Variants in TTL observed in about 807,000 individuals in gnomAD.
TTL encodes the protein tubulin--tyrosine ligase.
TTL carries 10 observed loss-of-function variants against 41.1 expected under a neutral mutation model. The observed-to-expected ratio is 0.24, with a 90% CI of 0.15 to 0.41. The LOEUF (loss-of-function observed/expected upper bound fraction) is 0.41, where lower values mean the gene tolerates loss of function less well. Among genes scored for constraint, TTL ranks in the 10% least tolerant of loss-of-function variants. The pLI, the probability that TTL is intolerant of heterozygous loss-of-function variation, is 1.00. For missense variants in TTL, 367 were observed against 460.4 expected, an observed-to-expected ratio of 0.80 and a Z score of 1.86; for synonymous variants, 175 against 175.5, an observed-to-expected ratio of 1.00 and a Z score of 0.02.
chr2:112,500,029 G>A (rs1309223267), intron 3 of TTL, among the ~76,000 whole-genome samples: 1 of 152,236 alleles, frequency 6.6e-6, no homozygotes, highest in Non-Finnish European at 1.5e-5. Context: ...TTCAGCCATA[G>A]AAAGGAGTGA....
In TTL at chr2:112,531,204, A is replaced by T; in HGVS notation, c.*2409A>T. ...GTTCAGAACTGTTCCTTTCCCTTCC[A>T]TGATGTCCTTGACACAGAAGGTTAT... is the stretch of plus-strand genomic sequence containing the variant. On this transcript the variant is annotated 3_prime_UTR_variant, in exon 7 of 7. Coordinates refer to ENST00000233336, the MANE Select transcript of TTL (RefSeq NM_153712.5). 4.5e-6 allele frequency: 1 copy of T among 221,798 alleles called. No homozygotes were observed. 13.7% of individuals were successfully genotyped at this position (221,798 alleles called of 1,614,324 possible). A position where few individuals can be genotyped will look rare whatever the true frequency, so the allele number is the denominator to read the frequency against.
At chr2:112,499,315 A>G (rs1320342206) in intron 3 of TTL, among the ~76,000 whole-genome samples, 4 of 152,220 alleles carry the variant, frequency 2.6e-5, no homozygotes, top group Non-Finnish European at 5.9e-5. Flanking sequence ...AACAGAAGAA[A>G]CATAAATCAG....
rs527250359 is a variant in TTL, at chr2:112,486,345, C to G, written c.236+350C>G. Among the ~76,000 whole-genome samples, 42 of 152,312 alleles carry G rather than the reference C, an allele frequency of 2.8e-4. No homozygotes were observed. The South Asian group carries it at 8.3e-3, about 30-fold the overall frequency. On this transcript the variant is annotated intron_variant, in intron 2 of 6. Coordinates refer to ENST00000233336, the MANE Select transcript of TTL (RefSeq NM_153712.5). ...AGCTGAAGTCTTGCCTCTCCTGACT[C>G]CAAGGAGCACCAGAGTGAATGGCAC...
At chr2:112,517,579 C>G (rs748643510) in intron 5 of TTL, among the ~76,000 whole-genome samples, 9 of 151,502 alleles carry the variant, frequency 5.9e-5, no homozygotes, top group Non-Finnish European at 1.3e-4. Context: ...TTTTTTCTCT[C>G]TCTCTTTTTT....
In TTL at chr2:112,512,420, G is replaced by A. The variant is rs576083850; in HGVS notation, c.876-7862G>A. On this transcript the variant is annotated intron_variant, in intron 5 of 6. Coordinates refer to ENST00000233336, the MANE Select transcript of TTL (RefSeq NM_153712.5). The stretch of plus-strand genomic sequence containing the variant: ...TGGGACTACAGGCGCCCGCCACCAT[G>A]CCCGGCTAATTTTTTGCATTTTTAG... Among the ~76,000 whole-genome samples the A allele has an allele frequency of 2.6e-3, 401 of 152,186 alleles. 2 individuals are homozygous for A. Among genetic ancestry groups the A allele is most frequent in the African/African-American group, 9.2e-3 (384 of 41,542 alleles).
chr2:112,521,781 T>C (rs148057319), intron 6 of TTL, among the ~76,000 whole-genome samples: 1 of 152,282 alleles, frequency 6.6e-6, no homozygotes, highest in Non-Finnish European at 1.5e-5. Flanking sequence ...ACCAGGCAGA[T>C]GTCAATTACA....
At chr2:112,507,639 CCCTG>C (rs1681825939) in intron 5 of TTL, among the ~76,000 whole-genome samples, 1 of 139,126 alleles carries the variant, frequency 7.2e-6, no homozygotes, top group Admixed American at 7.2e-5. Context: ...GGATTGCAGC[CCCTG>C]CCTTTTTTTG....
Position 112,534,181 on chromosome 2 carries a change from G to A in TTL, c.*5386G>A, listed in dbSNP as rs1223716349. 1.3e-5 allele frequency: 2 copies of A among 152,268 alleles called. No homozygotes were observed. Among genetic ancestry groups the A allele is most frequent in the African/African-American group, 2.4e-5 (1 of 41,428 alleles). 9.4% of individuals were successfully genotyped at this position (152,268 alleles called of 1,614,324 possible). The stretch of plus-strand genomic sequence containing the variant: ...TAAAAATACAAAAAATTAGCCGGGC[G>A]CGGTGGCAGGTGCCTGTAGTCCCAG... On this transcript the variant is annotated 3_prime_UTR_variant, in exon 7 of 7. Coordinates refer to ENST00000233336, the MANE Select transcript of TTL (RefSeq NM_153712.5).
intron 6 of TTL, chr2:112,521,149 A>G (rs1313542165): frequency 7.1e-6 from 7 of 984,264 alleles, no homozygotes; most frequent in Non-Finnish European, 8.4e-6. Context: ...CGCTGCACCA[A>G]AGGTTGGTGG....
chr2:112,494,144 C>T lies in TTL; in HGVS notation c.238C>T (p.Leu80=). The change falls in exon 3 of 7, where the codon CTA becomes TTA. Residue 80 remains leucine (L), a splice_region_variant and synonymous_variant. Coordinates refer to ENST00000233336, the MANE Select transcript of TTL (RefSeq NM_153712.5). ...TGATCCTCTTCTGTCATCTGCCAGG[C>T]TAATCAAGACAAGCCCTGAACTGGC... ...KLCRKASLVK[L]IKTSPELAES... is the part of the protein sequence containing the mutation. 6.2e-7 allele frequency: 1 copy of T among 1,613,468 alleles called. No individual in the cohort carries two copies. The highest frequency in any genetic ancestry group is 8.5e-7 in the Non-Finnish European group (1 of 1,179,584).
intron 3 of TTL, among the ~76,000 whole-genome samples, chr2:112,498,956 C>G (rs1156735508): frequency 6.6e-6 from 1 of 151,780 alleles, no homozygotes; most frequent in Non-Finnish European, 1.5e-5. Context: ...GAACATGCTA[C>G]CTGATATTAA....
At position 112,495,474 on chromosome 2, in the gene TTL, G is replaced by C. The variant is rs538929753; in HGVS notation, c.469+1099G>C. 5.3e-4 allele frequency among the ~76,000 whole-genome samples: 80 copies of C among 152,284 alleles called. No individual in the cohort carries two copies. The South Asian group carries it at 0.016, about 30-fold the overall frequency. ...GGTAAGGTTTATAATGTTAACTCAG[G>C]CTGAAAATAGAGGCAGTTCCCAATG... On this transcript the variant is annotated intron_variant, in intron 3 of 6. Coordinates refer to ENST00000233336, the MANE Select transcript of TTL (RefSeq NM_153712.5).
At chr2:112,522,643 T>G (rs1682270281) in intron 6 of TTL, 1 of 152,608 alleles carries the variant, frequency 6.6e-6, no homozygotes, top group South Asian at 2.1e-4. Flanking sequence ...GACTAGTATC[T>G]GCACCTGCCT....
At chr2:112,503,329 C>A in intron 5 of TTL, 148 bp downstream of exon 5, 1 of 635,356 alleles carries the variant, frequency 1.6e-6, no homozygotes, top group Non-Finnish European at 2.6e-6. Flanking sequence ...TTAATGTCTG[C>A]AGGTTCTGTA....
intron 5 of TTL, among the ~76,000 whole-genome samples, chr2:112,503,842 T>G (rs1681768755): frequency 2.3e-5 from 3 of 129,274 alleles, no homozygotes; most frequent in South Asian, 5.4e-4. Flanking sequence ...CTCTAAGTTT[T>G]AGGGTACATG....
rs1159229052 is a variant in TTL at position 112,526,847 on chromosome 2, T to C, written c.1020-1834T>C. ...TCTGCTAGCTTTTGAATGTGTTTGC[T>C]CTTGCTTCTCTAGTTCTTTTAATTG... On this transcript the variant is annotated intron_variant, in intron 6 of 6. Transcript: ENST00000233336. 5.3e-5 allele frequency among the ~76,000 whole-genome samples: 8 copies of C among 152,228 alleles called. No homozygotes were observed. The East Asian group carries it at 1.3e-3, about 26-fold the overall frequency.
Position 112,531,705 on chromosome 2 carries a change from T to C in TTL, c.*2910T>C, listed in dbSNP as rs551594370. Reference sequence around the variant, plus strand: ...TATGACTTAAAAAAAAAAATTCTTTTTGGAAACACAAGCATTTCTTTAAGG... The same window carrying C: ...TATGACTTAAAAAAAAAAATTCTTTCTGGAAACACAAGCATTTCTTTAAGG... On this transcript the variant is annotated 3_prime_UTR_variant, in exon 7 of 7. Transcript: ENST00000233336. 1.3e-4 allele frequency: 28 copies of C among 223,636 alleles called. No homozygotes were observed. The highest frequency in any genetic ancestry group is 5.8e-4 in the African/African-American group (26 of 44,946). The allele number at this position is 223,636 out of a possible 1,614,324, so 13.9% of individuals were successfully genotyped here. A position where few individuals can be genotyped will look rare whatever the true frequency, so the allele number is the denominator to read the frequency against.
chr2:112,523,048 A>G (rs1682284348), intron 6 of TTL, among the ~76,000 whole-genome samples: 1 of 151,992 alleles, frequency 6.6e-6, no homozygotes, highest in Admixed American at 6.6e-5. Flanking sequence ...TCCACCTCCA[A>G]GGCCGCTGCC....
intron 3 of TTL, among the ~76,000 whole-genome samples, chr2:112,497,786 A>G (rs1300515058): frequency 1.3e-5 from 2 of 152,170 alleles, no homozygotes; most frequent in Admixed American, 6.5e-5. Context: ...GAATTCATTT[A>G]TAAAGAAAGC....
Sources: allele counts gnomAD v4.1 joint callset (sites outside exome capture counted in the v4.1 genomes callset), GRCh38; gene constraint gnomAD v4.1.1; transcripts MANE v1.5; gene names NCBI Gene and HGNC (gene_info 2026-07-23, HGNC 2026-07-21).